The following DPP6 variants were observed in gnomAD, a reference collection of about 807,000 sequenced individuals.
DPP6 encodes the protein A-type potassium channel modulatory protein DPP6.
A neutral mutation model predicts 122.6 loss-of-function variants in DPP6; 69 were observed. That is an observed-to-expected ratio of 0.56 (90% confidence interval 0.46 to 0.69). The LOEUF is 0.69. Among genes scored for constraint, DPP6 ranks in the 30% least tolerant of loss-of-function variants. The pLI is 0.00. For synonymous variants in DPP6, 418 were observed against 433.1 expected (o/e 0.97, Z 0.43); for missense variants, 928 against 1,116.9 (o/e 0.83, Z 2.41).
intron 1 of DPP6, among the ~76,000 whole-genome samples, chr7:154,207,209 A>G (rs1027360002): frequency 6.6e-6 from 1 of 152,232 alleles, no homozygotes; most frequent in Non-Finnish European, 1.5e-5. Flanking sequence ...CCAGGGCTTA[A>G]TACAAGCAAC....
intron 1 of DPP6, among the ~76,000 whole-genome samples, chr7:154,115,048 G>C (rs1200175384): frequency 6.6e-6 from 1 of 152,174 alleles, no homozygotes; most frequent in East Asian, 1.9e-4. Context: ...CTCCAGGTGA[G>C]GGTACTTCAT....
At chr7:154,302,649 A>G (rs777867136) in intron 1 of DPP6, among the ~76,000 whole-genome samples, 1 of 152,260 alleles carries the variant, frequency 6.6e-6, no homozygotes, top group Non-Finnish European at 1.5e-5. Context: ...ATCACTTTAC[A>G]AATATCCACA....
At position 154,579,794 on chromosome 7, in the gene DPP6, T is replaced by C. The variant is rs565484883; in HGVS notation, c.627+12878T>C. On this transcript the variant is annotated intron_variant, in intron 5 of 25. Transcript: ENST00000377770. ...TTACGTGTCATTCCCTCTGGATGGT[T>C]TCTGAACTGTGGGAACTCCCCCATG... 2.0e-5 allele frequency among the ~76,000 whole-genome samples: 3 copies of C among 152,254 alleles called. No homozygotes were observed. The South Asian group carries it at 6.2e-4, about 32-fold the overall frequency.
intron 1 of DPP6, among the ~76,000 whole-genome samples, chr7:153,963,057 T>C (rs1421920158): frequency 6.6e-6 from 1 of 152,198 alleles, no homozygotes; most frequent in Non-Finnish European, 1.5e-5. Flanking sequence ...CTATTTTCTA[T>C]ACATTTATTA....
intron 1 of DPP6, among the ~76,000 whole-genome samples, chr7:154,392,843 TC>T (rs928771819): frequency 2.6e-5 from 4 of 152,082 alleles, no homozygotes; most frequent in African/African-American, 9.7e-5. Context: ...CAGGGGGCCC[TC>T]CCCAAAGTCC....
At chr7:154,035,983 C>G (rs1799498569) in intron 1 of DPP6, among the ~76,000 whole-genome samples, 1 of 151,370 alleles carries the variant, frequency 6.6e-6, no homozygotes, top group African/African-American at 2.4e-5. Context: ...GGCATGAAAT[C>G]AGAGAATGAT....
intron 1 of DPP6, among the ~76,000 whole-genome samples, chr7:154,076,918 T>C (rs1224762914): frequency 6.6e-6 from 1 of 151,828 alleles, no homozygotes. Context: ...GATAAGATCC[T>C]GGGGGCAGTG....
At chr7:154,125,641 A>G (rs1342724268) in intron 1 of DPP6, among the ~76,000 whole-genome samples, 6 of 152,120 alleles carry the variant, frequency 3.9e-5, no homozygotes, top group Non-Finnish European at 1.5e-5. Context: ...ATGAATTCAC[A>G]CTGTTACTGG....
intron 1 of DPP6, among the ~76,000 whole-genome samples, chr7:154,358,344 C>T (rs750398476): frequency 2.0e-5 from 3 of 152,352 alleles, no homozygotes; most frequent in Non-Finnish European, 4.4e-5. Context: ...GACTTGATCA[C>T]ATCTTTACAA....
At position 154,575,255 on chromosome 7, in the gene DPP6, GGTGT is replaced by G. The variant is rs1248635107; in HGVS notation, c.627+8342_627+8345del. Among the ~76,000 whole-genome samples, 329 of 125,122 alleles carry G rather than the reference GGTGT, an allele frequency of 2.6e-3. 2 individuals carry two copies. The highest frequency in any genetic ancestry group is 9.4e-3 in the African/African-American group (312 of 33,042). The allele number at this position is 125,122 out of a possible 152,430, so 82.1% of individuals were successfully genotyped here. A position where few individuals can be genotyped will look rare whatever the true frequency, so the allele number is the denominator to read the frequency against. On this transcript the variant is annotated intron_variant, in intron 5 of 25. Coordinates refer to ENST00000377770, the MANE Select transcript of DPP6 (RefSeq NM_130797.4). Reference sequence around the variant, plus strand: ...TGTGTGGTGTTTGTGTGGTGTGTGTGGTGTGTATGTGGTATGTGTATGTATGTGG... The same window carrying G: ...TGTGTGGTGTTTGTGTGGTGTGTGTGGTATGTGGTATGTGTATGTATGTGG...
the DPP6 span, among the ~76,000 whole-genome samples, chr7:153,870,975 A>G: frequency 6.6e-6 from 1 of 152,168 alleles, no homozygotes; most frequent in Admixed American, 6.5e-5. Context: ...GATATTGGTG[A>G]ACCTCAAATG....
At chr7:153,798,695 C>G in the DPP6 span, among the ~76,000 whole-genome samples, 1 of 152,244 alleles carries the variant, frequency 6.6e-6, no homozygotes, top group Admixed American at 6.5e-5. Context: ...TTACTGTGCA[C>G]TTTATCTCTA....
chr7:153,890,879 G>T (rs1799166919), intron 1 of DPP6, among the ~76,000 whole-genome samples: 6 of 138,950 alleles, frequency 4.3e-5, no homozygotes. Flanking sequence ...TGCATTTTTA[G>T]TAGAGACGGG....
At chr7:153,925,024 C>G (rs987386523) in intron 1 of DPP6, among the ~76,000 whole-genome samples, 7 of 152,122 alleles carry the variant, frequency 4.6e-5, no homozygotes, top group African/African-American at 1.4e-4. Flanking sequence ...TGTGGGTCTT[C>G]CAGGGCCAGG....
At chr7:154,405,739 A>G (rs1816033731) in intron 1 of DPP6, among the ~76,000 whole-genome samples, 1 of 152,122 alleles carries the variant, frequency 6.6e-6, no homozygotes, top group South Asian at 2.1e-4. Flanking sequence ...GAGGCTCTCA[A>G]ACTGCTCTCA....
At chr7:154,636,780 A>G (rs1055936956) in intron 5 of DPP6, among the ~76,000 whole-genome samples, 1 of 152,196 alleles carries the variant, frequency 6.6e-6, no homozygotes, top group Non-Finnish European at 1.5e-5. Context: ...TTTCTTTGCA[A>G]GCTCATTTCC....
At chr7:153,794,962 A>C in the DPP6 span, among the ~76,000 whole-genome samples, 1 of 152,160 alleles carries the variant, frequency 6.6e-6, no homozygotes, top group Non-Finnish European at 1.5e-5. Context: ...ATGTGGAACT[A>C]TAAGTCCAAT....
chr7:153,993,111 G>A lies in DPP6; in HGVS notation c.51+105377G>A, dbSNP rs137888706. ...AAGTAGAAGCCACTCCTGCTTCACG[G>A]CAGCAGTCTCCTACATAACCACAGA... On this transcript the variant is annotated intron_variant, in intron 1 of 25. Transcript: ENST00000404039. Among the ~76,000 whole-genome samples the A allele has an allele frequency of 2.5e-3, 381 of 152,294 alleles. 1 individual carries two copies. Among genetic ancestry groups the A allele is most frequent in the African/African-American group, 8.8e-3 (365 of 41,546 alleles).
intron 6 of DPP6, among the ~76,000 whole-genome samples, chr7:154,651,919 A>G (rs1394337368): frequency 6.6e-6 from 1 of 152,202 alleles, no homozygotes; most frequent in African/African-American, 2.4e-5. Flanking sequence ...CCCACTCTGA[A>G]TAACACGATG....
Sources: gnomAD v4.1 joint callset for allele counts (sites outside exome capture counted in the v4.1 genomes callset) on GRCh38, gnomAD v4.1.1 for gene constraint, MANE v1.5 for transcripts, NCBI Gene and HGNC (gene_info 2026-07-23, HGNC 2026-07-21) for gene names.